Variants in TICRR observed in about 807,000 individuals in gnomAD.
TICRR encodes treslin.
TICRR carries 132 observed loss-of-function variants against 178.1 expected under a neutral mutation model. That is an observed-to-expected ratio of 0.74 (90% CI 0.64 to 0.86). The LOEUF (loss-of-function observed/expected upper bound fraction) is 0.86, where lower values mean the gene tolerates loss of function less well. Ranked by LOEUF, TICRR falls within the 40% of genes least tolerant of loss-of-function variation. TICRR has a pLI of 0.00. For missense variants in TICRR, 2,587 were observed against 2,334.3 expected, an observed-to-expected ratio of 1.11 and a Z score of -2.23; for synonymous variants, 991 against 900.7, an observed-to-expected ratio of 1.10 and a Z score of -1.79.
intron 9 of TICRR, 123 bp from the exon 10 acceptor site, chr15:89,601,175 A>G (rs752192959): frequency 7.1e-6 from 5 of 701,642 alleles, no homozygotes; most frequent in Non-Finnish European, 1.2e-5. Context: ...GTTTTTAGAA[A>G]AGGCACTGGC....
At chr15:89,591,066 G>A (rs1962903448) in intron 4 of TICRR, among the ~76,000 whole-genome samples, 1 of 152,168 alleles carries the variant, frequency 6.6e-6, no homozygotes, top group Non-Finnish European at 1.5e-5. Context: ...ACTCAGTGCA[G>A]CAGAACTGTG....
In TICRR at chr15:89,608,960, T is replaced by G. The variant is rs1963214299; in HGVS notation, c.2869+11T>G. The stretch of plus-strand genomic sequence containing the variant: ...TCAAGAAGAACAAAGGTACCACATT[T>G]CAGAATAGCTAGGAAAAAGGAAAGG... On this transcript the variant is annotated intron_variant, in intron 15 of 21. Transcript: ENST00000268138. The G allele has an allele frequency of 5.1e-6, 8 of 1,576,340 alleles. No homozygotes were observed. Among genetic ancestry groups the G allele is most frequent in the Non-Finnish European group, 6.8e-6 (8 of 1,168,084 alleles).
chr15:89,607,322 G>T (rs183569469), intron 14 of TICRR, among the ~76,000 whole-genome samples: 68 of 152,220 alleles, frequency 4.5e-4, no homozygotes, highest in African/African-American at 1.6e-3. Context: ...CTTGTTTTTA[G>T]GAGATACATG....
intron 5 of TICRR, among the ~76,000 whole-genome samples, 191 bp downstream of exon 5, chr15:89,592,367 A>G (rs928575945): frequency 3.3e-5 from 5 of 152,190 alleles, no homozygotes; most frequent in African/African-American, 1.2e-4. Context: ...TTAACAATAT[A>G]TAAATATATA....
rs372970053 is a variant in TICRR, at chr15:89,601,406, T to G, written c.2247+15T>G. 37 of 1,613,518 alleles carry G rather than the reference T, an allele frequency of 2.3e-5. 1 individual carries two copies. The African/African-American group carries it at 2.7e-4, about 12-fold the overall frequency. ...TAGTGGAGGAGGCAAGTATATAGTT[T>G]CGTGCCATTGAAATACGCCCTAGAT... On this transcript the variant is annotated intron_variant, in intron 10 of 21. Transcript: ENST00000268138.
At chr15:89,609,039 T>C in intron 15 of TICRR, 90 bp downstream of exon 15, 1 of 1,263,916 alleles carries the variant, frequency 7.9e-7, no homozygotes, top group Non-Finnish European at 1.1e-6. Context: ...GATTTAGTAA[T>C]TTGAGTCTTC....
intron 15 of TICRR, among the ~76,000 whole-genome samples, chr15:89,614,167 T>C (rs1470900312): frequency 6.6e-6 from 1 of 151,878 alleles, no homozygotes; most frequent in African/African-American, 2.4e-5. Context: ...AATAAATAAA[T>C]AAATAAATAA....
intron 4 of TICRR, among the ~76,000 whole-genome samples, chr15:89,589,865 C>T (rs1173857955): frequency 1.3e-5 from 2 of 152,020 alleles, no homozygotes; most frequent in East Asian, 1.9e-4. Context: ...CCTGTAATCC[C>T]AGCTCCTCAG....
At chr15:89,583,738 C>T (rs560375765) in intron 2 of TICRR, among the ~76,000 whole-genome samples, 7 of 151,998 alleles carry the variant, frequency 4.6e-5, no homozygotes, top group Non-Finnish European at 7.4e-5. Context: ...TGCAGTGGTA[C>T]GATCATAGCT....
intron 16 of TICRR, among the ~76,000 whole-genome samples, chr15:89,617,320 T>C (rs1023383217): frequency 6.6e-6 from 1 of 152,220 alleles, no homozygotes; most frequent in Non-Finnish European, 1.5e-5. Flanking sequence ...CAGAGGCATA[T>C]ATATTTTTAA....
intron 4 of TICRR, among the ~76,000 whole-genome samples, chr15:89,589,187 G>A (rs910110923): frequency 1.3e-5 from 2 of 152,198 alleles, no homozygotes; most frequent in African/African-American, 4.8e-5. Flanking sequence ...GGAGATTCCA[G>A]TGGGCAGACT....
rs146781506 is a variant in TICRR, at chr15:89,627,009, G to A, written c.5656G>A (p.Ala1886Thr). The A allele has an allele frequency of 5.0e-6, 8 of 1,614,028 alleles. No homozygotes were observed. The highest frequency in any genetic ancestry group is 4.5e-5 in the East Asian group (2 of 44,872). Residue 1886 changes from alanine to threonine, a missense_variant, in exon 22 of 22, where the codon GCT becomes ACT. Ala to Thr is a moderately conservative substitution (Grantham distance 58, BLOSUM62 0). Transcript: ENST00000268138. The part of the protein sequence containing the change: ...STVEDSPFSR[A>T]FSRRRPISRT... ...TGTAGAAGACTCTCCTTTCAGTCGC[G>A]CTTTCTCCAGGAGGCGCCCCATCAG...
intron 13 of TICRR, among the ~76,000 whole-genome samples, chr15:89,603,154 T>C (rs1024899702): frequency 2.0e-5 from 3 of 152,162 alleles, no homozygotes; most frequent in East Asian, 3.8e-4. Context: ...AAATCTTTAA[T>C]GTAGATAGGA....
chr15:89,593,801 A>G (rs888264575), intron 5 of TICRR, among the ~76,000 whole-genome samples: 2 of 152,216 alleles, frequency 1.3e-5, no homozygotes, highest in African/African-American at 4.8e-5. Context: ...ATATCACCGT[A>G]ACTTTCTTGC....
At position 89,627,192 on chromosome 15, in the gene TICRR, C is replaced by G; in HGVS notation, c.*106C>G. The G allele has an allele frequency of 5.0e-6, 7 of 1,405,252 alleles. 1 individual carries two copies. In the South Asian group the frequency reaches 7.5e-5, roughly 15 times the overall value. 87.0% of individuals were successfully genotyped at this position (1,405,252 alleles called of 1,614,324 possible). A position where few individuals can be genotyped will look rare whatever the true frequency, so the allele number is the denominator to read the frequency against. ...AGCCTCTTTTGCCATGGTCAGTGTT[C>G]AGATTGCCATTAGAATGCCTTAGGG... On this transcript the variant is annotated 3_prime_UTR_variant, in exon 22 of 22. Coordinates refer to ENST00000268138, the MANE Select transcript of TICRR (RefSeq NM_152259.4).
chr15:89,602,024 G>A (rs1354619857), intron 12 of TICRR, 48 bp downstream of exon 12: 3 of 1,599,342 alleles, frequency 1.9e-6, no homozygotes, highest in Non-Finnish European at 2.6e-6. Context: ...TTATAGTTCT[G>A]ATAAAAGATG....
intron 8 of TICRR, among the ~76,000 whole-genome samples, chr15:89,599,911 G>A (rs1224158768): frequency 6.6e-6 from 1 of 152,120 alleles, no homozygotes; most frequent in South Asian, 2.1e-4. Flanking sequence ...TTTGAGACCA[G>A]CCTGGCCAAC....
chr15:89,606,102 T>C (rs2141968875), intron 13 of TICRR, among the ~76,000 whole-genome samples: 1 of 152,310 alleles, frequency 6.6e-6, no homozygotes, highest in African/African-American at 2.4e-5. Context: ...TCACTGATGA[T>C]AGTTTGTTGT....
At chr15:89,583,720 G>A (rs1413245109) in intron 2 of TICRR, among the ~76,000 whole-genome samples, 2 of 151,940 alleles carry the variant, frequency 1.3e-5, no homozygotes, top group African/African-American at 4.8e-5. Flanking sequence ...TTGTCACCCA[G>A]GCTGGAGTGC....
Sources: gnomAD v4.1 joint callset for allele counts (sites outside exome capture counted in the v4.1 genomes callset) on GRCh38, gnomAD v4.1.1 for gene constraint, MANE v1.5 for transcripts, NCBI Gene and HGNC (gene_info 2026-07-23, HGNC 2026-07-21) for gene names.